The following CRPPA variants were observed in gnomAD, a reference collection of about 807,000 sequenced individuals.
CRPPA encodes the protein CDP-L-ribitol pyrophosphorylase A, also known as D-ribitol-5-phosphate cytidylyltransferase.
CRPPA carries 43 observed loss-of-function variants against 52.0 expected under a neutral mutation model. That is an observed-to-expected ratio of 0.83 (90% confidence interval 0.65 to 1.07). The LOEUF is 1.07. CRPPA is among the 50% of genes least tolerant of loss of function. The probability of loss-of-function intolerance (pLI) is 0.00; values close to 1 mark genes in which losing one functional copy is unlikely to be tolerated. For synonymous variants in CRPPA, 250 were observed against 203.5 expected (o/e 1.23, Z -1.94); for missense variants, 629 against 551.7 (o/e 1.14, Z -1.40).
At chr7:16,232,706 C>T (rs989334622) in intron 8 of CRPPA, among the ~76,000 whole-genome samples, 9 of 151,908 alleles carry the variant, frequency 5.9e-5, no homozygotes, top group Non-Finnish European at 1.2e-4. Context: ...ATCAAAAAAA[C>T]AAGACCTAAA....
chr7:16,130,938 C>T (rs1001597301), intron 9 of CRPPA, among the ~76,000 whole-genome samples: 3 of 152,164 alleles, frequency 2.0e-5, no homozygotes, highest in Non-Finnish European at 2.9e-5. Flanking sequence ...AGTTCCCACA[C>T]CCTTCCACCA....
At chr7:16,229,302 A>G (rs558121078) in intron 8 of CRPPA, among the ~76,000 whole-genome samples, 1 of 152,164 alleles carries the variant, frequency 6.6e-6, no homozygotes, top group East Asian at 1.9e-4. Flanking sequence ...GTACAGACTT[A>G]CAACTGCCAT....
At chr7:16,110,260 T>TA (rs1194497804) in intron 9 of CRPPA, among the ~76,000 whole-genome samples, 2 of 151,960 alleles carry the variant, frequency 1.3e-5, no homozygotes, top group East Asian at 1.9e-4. Context: ...AAAACACTGA[T>TA]AAAAAAATTG....
chr7:16,164,028 G>A (rs981514629), intron 9 of CRPPA, among the ~76,000 whole-genome samples: 35 of 152,052 alleles, frequency 2.3e-4, no homozygotes, highest in African/African-American at 5.6e-4. Flanking sequence ...GGTGTTCTCC[G>A]TATTTCCTGA....
chr7:16,286,126 G>T (rs1343323523), intron 5 of CRPPA, among the ~76,000 whole-genome samples: 2 of 55,218 alleles, frequency 3.6e-5, no homozygotes, highest in Non-Finnish European at 3.5e-5. Context: ...ATGCCAAAAA[G>T]AAACAATGTA....
chr7:16,147,944 G>T (rs1409299597), intron 9 of CRPPA, among the ~76,000 whole-genome samples: 1 of 152,040 alleles, frequency 6.6e-6, no homozygotes, highest in Non-Finnish European at 1.5e-5. Context: ...TAATATTTCA[G>T]ATTTTTCAGC....
intron 4 of CRPPA, among the ~76,000 whole-genome samples, chr7:16,307,562 C>T (rs910821462): frequency 6.6e-6 from 1 of 150,830 alleles, no homozygotes; most frequent in African/African-American, 2.4e-5. Flanking sequence ...CACCTGTGAT[C>T]CCAGCTACTT....
rs1781821899 is a variant in CRPPA at position 16,090,771 on chromosome 7, C to G, written c.*924G>C. ...GTAAGTGTATGTATAGATTAAAAGT[C>G]ACCTCTAATGAATTAAAGGACACCC... On this transcript the variant is annotated 3_prime_UTR_variant, in exon 10 of 10. Coordinates refer to ENST00000407010, the MANE Select transcript of CRPPA (RefSeq NM_001101426.4). 1 of 151,822 alleles carries G rather than the reference C, an allele frequency of 6.6e-6. No homozygotes were observed. The highest frequency in any genetic ancestry group is 1.5e-5 in the Non-Finnish European group (1 of 67,938). The allele number at this position is 151,822 out of a possible 1,614,324, so 9.4% of individuals were successfully genotyped here.
chr7:16,275,331 C>A (rs1038409142), intron 6 of CRPPA, among the ~76,000 whole-genome samples: 1 of 152,106 alleles, frequency 6.6e-6, no homozygotes, highest in Non-Finnish European at 1.5e-5. Context: ...CTAGGGATAA[C>A]TGGGGGTCTG....
chr7:16,326,689 T>G (rs183497398), intron 3 of CRPPA, among the ~76,000 whole-genome samples: 1 of 152,232 alleles, frequency 6.6e-6, no homozygotes, highest in African/African-American at 2.4e-5. Flanking sequence ...CCAAATCCTA[T>G]AGCATTTGTT....
At chr7:16,271,999 T>A (rs1237593283) in intron 6 of CRPPA, among the ~76,000 whole-genome samples, 1 of 152,214 alleles carries the variant, frequency 6.6e-6, no homozygotes, top group Non-Finnish European at 1.5e-5. Context: ...TTCAGTTCAG[T>A]ATATAGTATA....
At chr7:16,253,021 GTCTA>G (rs780260069) in intron 8 of CRPPA, among the ~76,000 whole-genome samples, 2 of 151,988 alleles carry the variant, frequency 1.3e-5, no homozygotes, top group African/African-American at 2.4e-5. Flanking sequence ...CTTGCTAGTG[GTCTA>G]TCTATTTTGT....
intron 3 of CRPPA, among the ~76,000 whole-genome samples, chr7:16,330,642 G>A (rs553337774): frequency 6.6e-6 from 1 of 152,286 alleles, no homozygotes; most frequent in African/African-American, 2.4e-5. Flanking sequence ...GGGCTCCCAT[G>A]CTTCTGTGAG....
At chr7:16,190,584 G>C (rs1781588996) in intron 9 of CRPPA, among the ~76,000 whole-genome samples, 1 of 152,134 alleles carries the variant, frequency 6.6e-6, no homozygotes, top group Non-Finnish European at 1.5e-5. Flanking sequence ...CTTGTCTTTA[G>C]AAAGAGCATA....
At chr7:16,103,945 C>CA (rs900365118) in intron 9 of CRPPA, among the ~76,000 whole-genome samples, 24 of 151,330 alleles carry the variant, frequency 1.6e-4, no homozygotes, top group Admixed American at 7.2e-4. Context: ...AAACTTAATG[C>CA]AAAAAAAAGA....
At chr7:16,228,638 T>C (rs1782711995) in intron 8 of CRPPA, among the ~76,000 whole-genome samples, 1 of 152,030 alleles carries the variant, frequency 6.6e-6, no homozygotes, top group African/African-American at 2.4e-5. Context: ...TCTAGTTTCA[T>C]ATTTTGTAGT....
intron 2 of CRPPA, among the ~76,000 whole-genome samples, chr7:16,402,380 C>T (rs1342096431): frequency 6.6e-6 from 1 of 152,162 alleles, no homozygotes; most frequent in African/African-American, 2.4e-5. Flanking sequence ...ATCCTTGCCT[C>T]AGAAACACAC....
chr7:16,302,671 A>G (rs367820279), intron 4 of CRPPA, among the ~76,000 whole-genome samples: 9 of 152,284 alleles, frequency 5.9e-5, no homozygotes, highest in East Asian at 5.8e-4. Context: ...CAAATAAAAG[A>G]GAGAAAAAAT....
chr7:16,111,267 G>A (rs543953220), intron 9 of CRPPA, among the ~76,000 whole-genome samples: 3 of 152,104 alleles, frequency 2.0e-5, no homozygotes, highest in Middle Eastern at 3.4e-3. Context: ...CTACCAAGAA[G>A]ATAAAAGATA....
Sources: allele counts gnomAD v4.1 joint callset (sites outside exome capture counted in the v4.1 genomes callset), GRCh38; gene constraint gnomAD v4.1.1; transcripts MANE v1.5; gene names NCBI Gene and HGNC (gene_info 2026-07-23, HGNC 2026-07-21).